The following RARB variants were observed in gnomAD, a reference collection of about 807,000 sequenced individuals.
The protein encoded by RARB is HBV-activated protein.
Under a neutral mutation model 51.9 loss-of-function variants are expected in RARB, and 17 were observed. The ratio of observed to expected loss-of-function variants is 0.33; its 90% CI spans 0.22 to 0.49. The LOEUF is 0.49. RARB is among the 20% of genes least tolerant of loss of function. The pLI is 0.99. For synonymous variants in RARB, 215 were observed against 195.4 expected (o/e 1.10, Z -0.84); for missense variants, 369 against 550.8 (o/e 0.67, Z 3.30).
chr3:25,118,475 G>A (rs944553893), intron 3 of RARB, among the ~76,000 whole-genome samples: 1 of 152,152 alleles, frequency 6.6e-6, no homozygotes, highest in Non-Finnish European at 1.5e-5. Context: ...CAAAAGGAAA[G>A]ACCACTTTGT....
chr3:25,556,284 C>T (rs889974689), intron 3 of RARB, among the ~76,000 whole-genome samples: 9 of 152,178 alleles, frequency 5.9e-5, no homozygotes, highest in Non-Finnish European at 5.9e-5. Flanking sequence ...GATAAGTTCA[C>T]TCAGGGGAAG....
intron 5 of RARB, among the ~76,000 whole-genome samples, chr3:25,397,862 G>T (rs1707157402): frequency 7.0e-6 from 1 of 142,450 alleles, no homozygotes; most frequent in Non-Finnish European, 1.5e-5. Flanking sequence ...TGTGATTTGT[G>T]AAAATGTATG....
chr3:25,364,683 G>A (rs969372723), intron 5 of RARB, among the ~76,000 whole-genome samples: 3 of 152,188 alleles, frequency 2.0e-5, no homozygotes, highest in Non-Finnish European at 4.4e-5. Context: ...CCACAGTGAA[G>A]GTTGTTTCTA....
intron 5 of RARB, among the ~76,000 whole-genome samples, chr3:25,403,200 T>C (rs1489755227): frequency 6.6e-6 from 1 of 151,404 alleles, no homozygotes; most frequent in Non-Finnish European, 1.5e-5. Flanking sequence ...TAGTATTTGA[T>C]AGCACAACAG....
intron 1 of RARB, among the ~76,000 whole-genome samples, chr3:24,836,964 A>C (rs1272349380): frequency 1.3e-5 from 2 of 152,348 alleles, no homozygotes; most frequent in Admixed American, 1.3e-4. Context: ...TCCATCAATA[A>C]ACAGGAAGGC....
intron 2 of RARB, among the ~76,000 whole-genome samples, chr3:25,474,942 C>G (rs1301238291): frequency 6.6e-6 from 1 of 152,150 alleles, no homozygotes; most frequent in Non-Finnish European, 1.5e-5. Context: ...AGTATACATA[C>G]AGATATCATT....
rs144831369 is a variant in RARB, at chr3:25,523,803, A to G, written c.448+22480A>G. 1.2e-3 allele frequency among the ~76,000 whole-genome samples: 181 copies of G among 152,352 alleles called. 1 individual carries two copies. Among genetic ancestry groups the G allele is most frequent in the Admixed American group, 9.6e-3 (147 of 15,308 alleles). Reference sequence around the variant, plus strand: ...GGAGCTAAAGGGGGAAAAAATAACCATAAAACTTCTGCAGCAATTTTTACA... The same window carrying G: ...GGAGCTAAAGGGGGAAAAAATAACCGTAAAACTTCTGCAGCAATTTTTACA... On this transcript the variant is annotated intron_variant, in intron 3 of 7. Transcript: ENST00000330688.
At position 25,437,787 on chromosome 3, in the gene RARB, G is replaced by C. The variant is rs187485938; in HGVS notation, c.157+8899G>C. ...GAGTTCTAAACCTATCTTACACAGT[G>C]GAATAAGTGCACACCTTCCAAACTA... On this transcript the variant is annotated intron_variant, in intron 1 of 7. Transcript: ENST00000330688. Among the ~76,000 whole-genome samples, 15 of 152,256 alleles carry C rather than the reference G, an allele frequency of 9.9e-5. No individual in the cohort carries two copies. The East Asian group carries it at 2.9e-3, about 29-fold the overall frequency.
intron 5 of RARB, among the ~76,000 whole-genome samples, chr3:25,401,472 A>G (rs776295523): frequency 3.9e-5 from 6 of 152,178 alleles, no homozygotes; most frequent in Non-Finnish European, 5.9e-5. Flanking sequence ...AATAAAACAG[A>G]CCATAGGTGA....
At chr3:25,171,209 C>G (rs990893541) in intron 4 of RARB, among the ~76,000 whole-genome samples, 1 of 151,998 alleles carries the variant, frequency 6.6e-6, no homozygotes, top group African/African-American at 2.4e-5. Context: ...TTCCACTCAG[C>G]TCCTGTTTGC....
intron 4 of RARB, among the ~76,000 whole-genome samples, chr3:25,148,842 C>T (rs948369139): frequency 1.3e-5 from 2 of 152,220 alleles, no homozygotes; most frequent in African/African-American, 4.8e-5. Context: ...GCTTGGATGT[C>T]TACCCATGCA....
intron 5 of RARB, among the ~76,000 whole-genome samples, chr3:25,348,746 T>C (rs1396699969): frequency 1.3e-5 from 2 of 152,198 alleles, no homozygotes; most frequent in African/African-American, 4.8e-5. Flanking sequence ...GAAGTTCTAA[T>C]CTTTTCTCCC....
chr3:25,221,719 G>A (rs1373343983), intron 5 of RARB, among the ~76,000 whole-genome samples: 1 of 152,104 alleles, frequency 6.6e-6, no homozygotes, highest in Non-Finnish European at 1.5e-5. Context: ...GCTTCTAGGA[G>A]AACTTGATTG....
intron 5 of RARB, among the ~76,000 whole-genome samples, chr3:25,394,035 T>C (rs11715667): frequency 0.18 from 27,545 of 151,952 alleles, 2,731 homozygotes; most frequent in Admixed American, 0.31. Context: ...TTGATGAAGG[T>C]GTTTAATGCT....
intron 5 of RARB, among the ~76,000 whole-genome samples, chr3:25,403,767 A>G (rs1707328174): frequency 6.6e-6 from 1 of 150,528 alleles, no homozygotes; most frequent in African/African-American, 2.4e-5. Context: ...CTTCTTTGAC[A>G]TTTGAGCGCT....
chr3:25,368,352 G>A (rs1023189077), intron 5 of RARB, among the ~76,000 whole-genome samples: 2 of 152,112 alleles, frequency 1.3e-5, no homozygotes, highest in African/African-American at 4.8e-5. Context: ...TACAATAGGT[G>A]ATGGAGTTGG....
intron 2 of RARB, among the ~76,000 whole-genome samples, chr3:24,996,542 C>T (rs1401159124): frequency 3.3e-5 from 5 of 151,846 alleles, no homozygotes; most frequent in South Asian, 2.1e-4. Flanking sequence ...GTGCATCATT[C>T]GGTTGTTTAT....
Position 25,141,089 on chromosome 3 carries a change from A to G in RARB, c.-280+8881A>G, listed in dbSNP as rs1021051256. Among the ~76,000 whole-genome samples the G allele has an allele frequency of 6.6e-5, 10 of 152,258 alleles. No individual in the cohort carries two copies. In the East Asian group the frequency reaches 1.9e-3, roughly 29 times the overall value. ...TTATTGCAGTGGTCTGGAACTAAAC[A>G]TGTAATATCTTTGAGGTATACCGAT... On this transcript the variant is annotated intron_variant, in intron 4 of 11. Coordinates refer to the RARB transcript ENST00000383772.
chr3:25,268,820 C>G (rs9836928), intron 5 of RARB, among the ~76,000 whole-genome samples: 3,893 of 152,278 alleles, frequency 0.026, 162 homozygotes, highest in African/African-American at 0.086. Flanking sequence ...CTCTTACCTG[C>G]TTTTTCTTCT....
Sources: allele counts gnomAD v4.1 joint callset (sites outside exome capture counted in the v4.1 genomes callset), GRCh38; gene constraint gnomAD v4.1.1; transcripts MANE v1.5; gene names NCBI Gene and HGNC (gene_info 2026-07-23, HGNC 2026-07-21).